Variants in NOVA1 observed in about 807,000 individuals in gnomAD.
NOVA1 encodes the protein RNA-binding protein Nova-1.
A neutral mutation model predicts 38.0 loss-of-function variants in NOVA1; 7 were observed. The ratio of observed to expected loss-of-function variants is 0.18; its 90% CI spans 0.10 to 0.35. The LOEUF (loss-of-function observed/expected upper bound fraction) is 0.35. NOVA1 is among the 10% of genes least tolerant of loss of function. The pLI, the probability that NOVA1 is intolerant of heterozygous loss-of-function variation, is 1.00. For missense variants in NOVA1, 460 were observed against 616.0 expected (o/e 0.75, Z 2.68); for synonymous variants, 270 against 232.5 (o/e 1.16, Z -1.47).
chr14:26,462,137 A>C (rs1883734279), intron 4 of NOVA1, among the ~76,000 whole-genome samples: 1 of 152,122 alleles, frequency 6.6e-6, no homozygotes, highest in Non-Finnish European at 1.5e-5. Flanking sequence ...AGCAGTATAC[A>C]ATAACGTCCC....
intron 2 of NOVA1, among the ~76,000 whole-genome samples, chr14:26,552,503 T>G (rs1180647064): frequency 1.3e-5 from 2 of 152,140 alleles, no homozygotes; most frequent in African/African-American, 2.4e-5. Flanking sequence ...ACTGGAAAAG[T>G]AAATAATGTA....
intron 2 of NOVA1, among the ~76,000 whole-genome samples, chr14:26,498,099 ACC>A (rs1886952166): frequency 6.6e-6 from 1 of 152,046 alleles, no homozygotes; most frequent in South Asian, 2.1e-4. Flanking sequence ...TTGCTCTGTC[ACC>A]CAGGCTGGAG....
chr14:26,447,754 CA>C lies in NOVA1; in HGVS notation c.*204del, dbSNP rs1882196084. 3 of 590,834 alleles carry C rather than the reference CA, an allele frequency of 5.1e-6. No individual in the cohort carries two copies. The East Asian group carries it at 8.4e-5, about 17-fold the overall frequency. The allele number at this position is 590,834 out of a possible 1,614,324, so 36.6% of individuals were successfully genotyped here. On this transcript the variant is annotated 3_prime_UTR_variant, in exon 5 of 5. Coordinates refer to ENST00000539517, the MANE Select transcript of NOVA1 (RefSeq NM_002515.3). ...ATATACACAAGCAAAGTATAGAGAA[CA>C]AAACAGATCAAGAAAAAATTCTTTC...
At chr14:26,547,662 T>C (rs1430162038) in intron 2 of NOVA1, among the ~76,000 whole-genome samples, 2 of 152,106 alleles carry the variant, frequency 1.3e-5, no homozygotes, top group Non-Finnish European at 2.9e-5. Context: ...TAATCTATTC[T>C]GTCAAATACT....
chr14:26,451,728 T>C (rs1309888097), intron 4 of NOVA1, among the ~76,000 whole-genome samples: 2 of 152,206 alleles, frequency 1.3e-5, no homozygotes, highest in Non-Finnish European at 1.5e-5. Context: ...ACAGTAAACA[T>C]CTTCCAAAAA....
At chr14:26,509,962 G>A (rs1265879946) in intron 2 of NOVA1, among the ~76,000 whole-genome samples, 2 of 152,170 alleles carry the variant, frequency 1.3e-5, no homozygotes, top group Non-Finnish European at 2.9e-5. Flanking sequence ...TTATAGGCAT[G>A]AGCCACCGCG....
intron 4 of NOVA1, among the ~76,000 whole-genome samples, chr14:26,467,226 G>A (rs904635547): frequency 6.6e-6 from 1 of 152,166 alleles, no homozygotes; most frequent in African/African-American, 2.4e-5. Flanking sequence ...AATCAAACGT[G>A]GGTAGTATCC....
intron 2 of NOVA1, among the ~76,000 whole-genome samples, chr14:26,518,453 C>A: frequency 6.6e-6 from 1 of 152,062 alleles, no homozygotes; most frequent in East Asian, 1.9e-4. Context: ...TTTAATGCTA[C>A]GACAAATCAT....
intron 2 of NOVA1, among the ~76,000 whole-genome samples, chr14:26,567,260 TTATCC>T (rs1892189261): frequency 6.6e-6 from 1 of 151,760 alleles, no homozygotes; most frequent in African/African-American, 2.4e-5. Context: ...GTTATATGTA[TTATCC>T]TATAACATTT....
chr14:26,550,271 T>C (rs967141811), intron 2 of NOVA1, among the ~76,000 whole-genome samples: 1 of 152,128 alleles, frequency 6.6e-6, no homozygotes, highest in African/African-American at 2.4e-5. Context: ...ACATCAAAAC[T>C]GAAGCACAAG....
intron 2 of NOVA1, among the ~76,000 whole-genome samples, chr14:26,536,598 A>C (rs542825964): frequency 4.5e-4 from 68 of 152,092 alleles, no homozygotes; most frequent in Non-Finnish European, 5.6e-4. Flanking sequence ...TCTACTCTCA[A>C]AACCCCCCAA....
At chr14:26,463,001 A>T (rs558194993) in intron 4 of NOVA1, among the ~76,000 whole-genome samples, 1 of 152,202 alleles carries the variant, frequency 6.6e-6, no homozygotes, top group African/African-American at 2.4e-5. Flanking sequence ...TTCTTTGACT[A>T]TTAAAGATAG....
chr14:26,542,323 T>C (rs1454404862), intron 2 of NOVA1, among the ~76,000 whole-genome samples: 1 of 151,920 alleles, frequency 6.6e-6, no homozygotes, highest in African/African-American at 2.4e-5. Context: ...TTCAATTTTC[T>C]CTACTTAAAA....
chr14:26,574,023 C>T (rs74452233), intron 2 of NOVA1, among the ~76,000 whole-genome samples: 1,796 of 121,062 alleles, frequency 0.015, 27 homozygotes, highest in South Asian at 0.033. Context: ...AAAGATTACA[C>T]TTTTTTTTTT....
intron 2 of NOVA1, among the ~76,000 whole-genome samples, chr14:26,500,767 G>A (rs1290989751): frequency 6.6e-6 from 1 of 151,884 alleles, no homozygotes; most frequent in Non-Finnish European, 1.5e-5. Flanking sequence ...TAATCATTTT[G>A]TTTTAAGATA....
At chr14:26,597,233 G>T in intron 1 of NOVA1, 68 bp downstream of exon 1, 7 of 1,178,840 alleles carry the variant, frequency 5.9e-6, no homozygotes, top group Non-Finnish European at 7.4e-6. Context: ...GAGGGAGGAC[G>T]GCGAGGGAGG....
intron 4 of NOVA1, among the ~76,000 whole-genome samples, chr14:26,459,141 GAATTCAGCA>G (rs1354421325): frequency 6.6e-6 from 1 of 151,922 alleles, no homozygotes; most frequent in Non-Finnish European, 1.5e-5. Flanking sequence ...TGAATGAACA[GAATTCAGCA>G]AATTCTATTC....
In NOVA1 at chr14:26,447,827, C is replaced by G. The variant is rs576871615; in HGVS notation, c.*132G>C. 3.8e-5 allele frequency: 26 copies of G among 677,668 alleles called. No homozygotes were observed. In the African/African-American group the frequency reaches 4.0e-4, roughly 10 times the overall value. 42.0% of individuals were successfully genotyped at this position (677,668 alleles called of 1,614,324 possible). A position where few individuals can be genotyped will look rare whatever the true frequency, so the allele number is the denominator to read the frequency against. On this transcript the variant is annotated 3_prime_UTR_variant, in exon 5 of 5. Transcript: ENST00000539517. ...CATATTATTTACATATACACATTGT[C>G]AACATAGTCGCATTCATTTGCATAA...
chr14:26,587,442 G>A (rs1012950412), intron 2 of NOVA1, among the ~76,000 whole-genome samples: 6 of 150,850 alleles, frequency 4.0e-5, no homozygotes, highest in African/African-American at 1.5e-4. Context: ...TTACCAAATA[G>A]CTGCCTACAC....
Sources: allele counts gnomAD v4.1 joint callset (sites outside exome capture counted in the v4.1 genomes callset), GRCh38; gene constraint gnomAD v4.1.1; transcripts MANE v1.5; gene names NCBI Gene and HGNC (gene_info 2026-07-23, HGNC 2026-07-21).